ARMH3: variants seen among roughly 807,000 people sequenced by gnomAD.
ARMH3 encodes armadillo-like helical domain-containing protein 3.
Under a neutral mutation model 99.1 loss-of-function variants are expected in ARMH3, and 60 were observed. That is an observed-to-expected ratio of 0.61 (90% CI 0.49 to 0.75). ARMH3 has a LOEUF of 0.75. ARMH3 is among the 30% of genes least tolerant of loss of function. ARMH3 has a pLI of 0.00. For synonymous variants in ARMH3, 285 were observed against 292.8 expected (o/e 0.97, Z 0.27); for missense variants, 679 against 843.1 (o/e 0.81, Z 2.41).
At chr10:102,028,655 TATG>T (rs2067054838) in intron 5 of ARMH3, among the ~76,000 whole-genome samples, 1 of 152,190 alleles carries the variant, frequency 6.6e-6, no homozygotes, top group African/African-American at 2.4e-5. Context: ...CTACATATGA[TATG>T]ATTCCATTTA....
intron 19 of ARMH3, among the ~76,000 whole-genome samples, chr10:101,984,524 G>A (rs1046189539): frequency 4.0e-5 from 6 of 151,818 alleles, no homozygotes; most frequent in Non-Finnish European, 5.9e-5. Context: ...GGGTCTGGAC[G>A]GCCTATATTT....
chr10:101,896,221 C>T (rs1381018070), intron 23 of ARMH3, among the ~76,000 whole-genome samples: 2 of 150,646 alleles, frequency 1.3e-5, no homozygotes, highest in African/African-American at 4.8e-5. Context: ...AGAGCACAGA[C>T]CCTGTCTCAA....
chr10:102,003,413 C>T (rs950787870), intron 14 of ARMH3, among the ~76,000 whole-genome samples: 3 of 152,260 alleles, frequency 2.0e-5, no homozygotes, highest in South Asian at 2.1e-4. Context: ...CCACCCACCT[C>T]GGGCCTCCCA....
chr10:101,940,191 GT>G (rs1444850120), intron 22 of ARMH3, among the ~76,000 whole-genome samples: 2 of 152,110 alleles, frequency 1.3e-5, no homozygotes, highest in Admixed American at 6.5e-5. Flanking sequence ...TCTGCCTTAG[GT>G]TTTCCCTCCC....
chr10:101,999,829 A>G (rs992647896), intron 15 of ARMH3, among the ~76,000 whole-genome samples: 22 of 152,296 alleles, frequency 1.4e-4, no homozygotes, highest in African/African-American at 4.6e-4. Flanking sequence ...CCATACCTGT[A>G]ATCCCGGCAC....
chr10:101,899,538 T>C (rs942092738), intron 23 of ARMH3, among the ~76,000 whole-genome samples: 1 of 152,170 alleles, frequency 6.6e-6, no homozygotes. Flanking sequence ...ATGGAGTCAA[T>C]GAATCTTCAG....
chr10:101,972,433 G>T (rs1031521434), intron 20 of ARMH3, among the ~76,000 whole-genome samples: 6 of 152,160 alleles, frequency 3.9e-5, no homozygotes, highest in African/African-American at 1.4e-4. Context: ...TGCAGCACAT[G>T]TATGGCAAAG....
At position 101,851,922 on chromosome 10, in the gene ARMH3, A is replaced by G. The variant is rs2066610632; in HGVS notation, c.1861-2030T>C. Among the ~76,000 whole-genome samples the G allele has an allele frequency of 3.9e-5, 6 of 152,152 alleles. No individual in the cohort carries two copies. In the South Asian group the frequency reaches 1.2e-3, roughly 31 times the overall value. On this transcript the variant is annotated intron_variant, in intron 24 of 25. Coordinates refer to ENST00000370033, the MANE Select transcript of ARMH3 (RefSeq NM_024541.3). The stretch of plus-strand genomic sequence containing the variant: ...GTACCCAGCAACAGCAGTCACCCAC[A>G]AAGTAATCTGGTCCTCTCATGCACG...
intron 4 of ARMH3, among the ~76,000 whole-genome samples, chr10:102,030,658 G>A (rs1052827430): frequency 2.6e-5 from 4 of 152,090 alleles, no homozygotes; most frequent in Admixed American, 6.5e-5. Flanking sequence ...GCAGTGAGCC[G>A]AGATCGCTCC....
chr10:101,977,603 A>G (rs1157579648), intron 19 of ARMH3, among the ~76,000 whole-genome samples: 1 of 152,218 alleles, frequency 6.6e-6, no homozygotes, highest in Non-Finnish European at 1.5e-5. Flanking sequence ...TCATGTTGAA[A>G]CGTAATTGCA....
rs140696110 is a variant in ARMH3 at position 101,867,863 on chromosome 10, G to C, written c.1861-17971C>G. 3.7e-3 allele frequency among the ~76,000 whole-genome samples: 557 copies of C among 151,916 alleles called. 3 individuals carry two copies. Among genetic ancestry groups the C allele is most frequent in the Admixed American group, 5.9e-3 (90 of 15,194 alleles). On this transcript the variant is annotated intron_variant, in intron 24 of 25. Coordinates refer to ENST00000370033, the MANE Select transcript of ARMH3 (RefSeq NM_024541.3). ...AAAAGAAAAAGCCATGAAAGGCTGG[G>C]GGTGGTGTCTAATGGCTATAATCTC...
chr10:102,007,820 G>A (rs575779596), intron 13 of ARMH3, among the ~76,000 whole-genome samples: 8 of 127,172 alleles, frequency 6.3e-5, no homozygotes, highest in African/African-American at 1.8e-4. Context: ...GTGACAGAGC[G>A]AGACACCATC....
chr10:102,002,669 CAG>C (rs2066389528), intron 14 of ARMH3, among the ~76,000 whole-genome samples: 1 of 151,984 alleles, frequency 6.6e-6, no homozygotes, highest in African/African-American at 2.4e-5. Flanking sequence ...AGACTGAAAA[CAG>C]ATGAACAGGT....
At position 101,856,253 on chromosome 10, in the gene ARMH3, C is replaced by A. The variant is rs1029142747; in HGVS notation, c.1861-6361G>T. On this transcript the variant is annotated intron_variant, in intron 24 of 25. Coordinates refer to ENST00000370033, the MANE Select transcript of ARMH3 (RefSeq NM_024541.3). ...CAACCCTGTTGATAGTTGGTGTAAA[C>A]CAACAAAATTTTACAGATCACTCCA... Among the ~76,000 whole-genome samples, 11 of 152,110 alleles carry A rather than the reference C, an allele frequency of 7.2e-5. No individual in the cohort carries two copies. The East Asian group carries it at 1.9e-3, about 27-fold the overall frequency.
At chr10:101,899,210 C>T (rs1185568130) in intron 23 of ARMH3, among the ~76,000 whole-genome samples, 1 of 151,932 alleles carries the variant, frequency 6.6e-6, no homozygotes, top group Non-Finnish European at 1.5e-5. Flanking sequence ...AATTTTTTTT[C>T]CCCCAAGGCA....
At chr10:101,900,915 T>C (rs886873228) in intron 23 of ARMH3, among the ~76,000 whole-genome samples, 1 of 151,984 alleles carries the variant, frequency 6.6e-6, no homozygotes, top group Non-Finnish European at 1.5e-5. Context: ...ACCCAGGAGT[T>C]TGAGGTTACA....
At chr10:102,021,992 G>C (rs1242644110) in intron 8 of ARMH3, among the ~76,000 whole-genome samples, 1 of 152,048 alleles carries the variant, frequency 6.6e-6, no homozygotes, top group Non-Finnish European at 1.5e-5. Flanking sequence ...GCCCAGCCTA[G>C]ATATGCTTAA....
intron 22 of ARMH3, among the ~76,000 whole-genome samples, chr10:101,951,771 G>C (rs1269381219): frequency 1.3e-5 from 2 of 152,076 alleles, no homozygotes; most frequent in Non-Finnish European, 2.9e-5. Context: ...GGGAGGCTAA[G>C]GCAGGAGAAT....
At chr10:101,989,082 C>G (rs1846649374) in intron 19 of ARMH3, among the ~76,000 whole-genome samples, 1 of 152,106 alleles carries the variant, frequency 6.6e-6, no homozygotes, top group South Asian at 2.1e-4. Flanking sequence ...GGGAGCAATT[C>G]TGATGTCACA....
Sources: allele counts gnomAD v4.1 joint callset (sites outside exome capture counted in the v4.1 genomes callset), GRCh38; gene constraint gnomAD v4.1.1; transcripts MANE v1.5; gene names NCBI Gene and HGNC (gene_info 2026-07-23, HGNC 2026-07-21).